NDUFA10: variants seen among roughly 807,000 people sequenced by gnomAD.
The protein encoded by NDUFA10 is NADH dehydrogenase [ubiquinone] 1 alpha subcomplex subunit 10, mitochondrial.
Under a neutral mutation model 47.8 loss-of-function variants are expected in NDUFA10, and 40 were observed. The ratio of observed to expected loss-of-function variants is 0.84; its 90% CI spans 0.65 to 1.09. The LOEUF (loss-of-function observed/expected upper bound fraction) is 1.09. Among genes scored for constraint, NDUFA10 ranks in the 50% least tolerant of loss-of-function variants. NDUFA10 has a pLI of 0.00. For missense variants in NDUFA10, 413 were observed against 451.1 expected (o/e 0.92, Z 0.76); for synonymous variants, 183 against 172.2 (o/e 1.06, Z -0.49).
chr2:239,909,586 C>G (rs1693714007), intron 4 of NDUFA10, among the ~76,000 whole-genome samples: 1 of 152,116 alleles, frequency 6.6e-6, no homozygotes, highest in Non-Finnish European at 1.5e-5. Context: ...GCACTCCAGC[C>G]TGGGCGAAAG....
chr2:240,018,336 A>G lies in NDUFA10; in HGVS notation c.547+217T>C, dbSNP rs1276020367. ...GTCCAGGGCTCCAATCTGCTTTCAC[A>G]GGGAGACATGACAGCACAAAAGACA... On this transcript the variant is annotated intron_variant, in intron 4 of 9. Transcript: ENST00000252711. The G allele has an allele frequency of 7.9e-6, 11 of 1,387,282 alleles. No individual in the cohort carries two copies. The East Asian group carries it at 2.8e-4, about 35-fold the overall frequency. 85.9% of individuals were successfully genotyped at this position (1,387,282 alleles called of 1,614,324 possible). A position where few individuals can be genotyped will look rare whatever the true frequency, so the allele number is the denominator to read the frequency against.
At position 240,021,386 on chromosome 2, in the gene NDUFA10, T is replaced by A; in HGVS notation, c.271A>T (p.Ile91Phe). 1.2e-6 allele frequency: 2 copies of A among 1,614,124 alleles called. No individual in the cohort carries two copies. Among genetic ancestry groups the A allele is most frequent in the Non-Finnish European group, 8.5e-7 (1 of 1,180,020 alleles). ...LGFKHFPEAG[I>F]HYPDSTTGDG... ...CCTGTGGTACTGTCTGGATAATGAA[T>A]CCCCGCTTCAGGAAAGTGCTTGAAG... is the stretch of plus-strand genomic sequence containing the variant. Residue 91 changes from isoleucine to phenylalanine, a missense_variant, in exon 3 of 10, where the codon ATT becomes TTT. Transcript: ENST00000252711.
At chr2:239,909,713 C>G (rs1371652902) in intron 4 of NDUFA10, among the ~76,000 whole-genome samples, 1 of 152,072 alleles carries the variant, frequency 6.6e-6, no homozygotes, top group Non-Finnish European at 1.5e-5. Flanking sequence ...AAAAAAATGC[C>G]AAAAGCAATT....
chr2:239,993,585 G>A (rs1696342387), intron 8 of NDUFA10, among the ~76,000 whole-genome samples: 1 of 152,092 alleles, frequency 6.6e-6, no homozygotes, highest in Non-Finnish European at 1.5e-5. Flanking sequence ...AATGAAGATA[G>A]GCCACTCAAA....
chr2:239,927,619 G>A (rs1351073251), intron 4 of NDUFA10, among the ~76,000 whole-genome samples: 1 of 152,172 alleles, frequency 6.6e-6, no homozygotes, highest in African/African-American at 2.4e-5. Context: ...AATTTTAAAA[G>A]TTAATCTCTA....
chr2:239,922,519 A>G (rs1000394918), intron 4 of NDUFA10, among the ~76,000 whole-genome samples: 7 of 152,206 alleles, frequency 4.6e-5, no homozygotes, highest in Non-Finnish European at 8.8e-5. Flanking sequence ...GATAGTGACC[A>G]TGTGTTCCTC....
At chr2:239,922,563 C>T (rs577600532) in intron 4 of NDUFA10, among the ~76,000 whole-genome samples, 15 of 152,336 alleles carry the variant, frequency 9.8e-5, no homozygotes, top group South Asian at 2.1e-4. Flanking sequence ...GGGATAGAGG[C>T]GGTGTCACCT....
chr2:239,892,928 G>C (rs1306044189), intron 5 of NDUFA10, among the ~76,000 whole-genome samples: 1 of 152,210 alleles, frequency 6.6e-6, no homozygotes, highest in East Asian at 1.9e-4. Flanking sequence ...ATCATTTCTG[G>C]AGGCCAGCAA....
Position 239,945,438 on chromosome 2 carries a change from C to T in NDUFA10, c.294+44636G>A, listed in dbSNP as rs776254613. ...GCGTCGCTCCAGCTCCTTTCAAAGA[C>T]GCTGGGAGGCCCCTCGGGGGAAGAG... On this transcript the variant is annotated intron_variant, in intron 4 of 5. Transcript: ENST00000419408. This position sits in a 1 kb window ranked among gnomAD's most constrained non-coding sequence, Gnocchi z 4.6. Among the ~76,000 whole-genome samples, 14 of 152,170 alleles carry T rather than the reference C, an allele frequency of 9.2e-5. No individual in the cohort carries two copies. The highest frequency in any genetic ancestry group is 1.7e-4 in the African/African-American group (7 of 41,452).
At chr2:240,000,565 G>C (rs922234141) in intron 8 of NDUFA10, among the ~76,000 whole-genome samples, 1 of 152,078 alleles carries the variant, frequency 6.6e-6, no homozygotes, top group Non-Finnish European at 1.5e-5. Flanking sequence ...ATTTAGTGTA[G>C]CCTAATTGTA....
chr2:239,958,888 G>A lies in NDUFA10; in HGVS notation c.*2230C>T. ...TTCCTGATCTCCAAAGCACTGAGAA[G>A]TCCAACATGGAATCCTGGAAAATGC... On this transcript the variant is annotated 3_prime_UTR_variant, in exon 10 of 10. Transcript: ENST00000252711. The A allele has an allele frequency of 1.0e-6, 1 of 952,572 alleles. No individual in the cohort carries two copies. Among genetic ancestry groups the A allele is most frequent in the Non-Finnish European group, 1.2e-6 (1 of 800,028 alleles). The allele number at this position is 952,572 out of a possible 1,614,324, so 59.0% of individuals were successfully genotyped here.
intron 4 of NDUFA10, among the ~76,000 whole-genome samples, chr2:239,917,736 G>T (rs1018321467): frequency 4.6e-5 from 7 of 152,226 alleles, no homozygotes; most frequent in African/African-American, 1.7e-4. Context: ...GTACATAAAA[G>T]TCATGTGCTG....
At chr2:240,015,267 G>A (rs1236837190) in intron 4 of NDUFA10, among the ~76,000 whole-genome samples, 1 of 152,218 alleles carries the variant, frequency 6.6e-6, no homozygotes, top group Non-Finnish European at 1.5e-5. Flanking sequence ...TGCTCCTGAG[G>A]CAAGACGTAG....
intron 3 of NDUFA10, among the ~76,000 whole-genome samples, chr2:240,020,413 T>C (rs921070567): frequency 2.6e-5 from 4 of 152,214 alleles, no homozygotes; most frequent in Non-Finnish European, 5.9e-5. Context: ...CGTGGCATGG[T>C]AGCTTTGACC....
Position 239,960,952 on chromosome 2 carries a change from T to C in NDUFA10, c.*166A>G. ...TGGAAGCTGCTTCCCCCAACTCCAT[T>C]ACCTATACTACAGGATGGATTGCTT... is the stretch of plus-strand genomic sequence containing the variant. On this transcript the variant is annotated 3_prime_UTR_variant, in exon 10 of 10. Coordinates refer to ENST00000252711, the MANE Select transcript of NDUFA10 (RefSeq NM_004544.4). The C allele has an allele frequency of 6.6e-7, 1 of 1,518,614 alleles. No homozygotes were observed. The highest frequency in any genetic ancestry group is 1.2e-5 in the South Asian group (1 of 81,944). The allele number at this position is 1,518,614 out of a possible 1,614,324, so 94.1% of individuals were successfully genotyped here.
chr2:239,917,790 T>C (rs1693901814), intron 4 of NDUFA10, among the ~76,000 whole-genome samples: 1 of 152,228 alleles, frequency 6.6e-6, no homozygotes, highest in East Asian at 1.9e-4. Context: ...GTCCGCTGGC[T>C]CTGAATGCAC....
chr2:239,968,292 G>A (rs1695166104), intron 9 of NDUFA10, among the ~76,000 whole-genome samples: 1 of 152,222 alleles, frequency 6.6e-6, no homozygotes, highest in Non-Finnish European at 1.5e-5. Context: ...GGCAGCAAAT[G>A]CACGCAATGC....
chr2:239,988,455 C>T (rs1038120855), intron 9 of NDUFA10, among the ~76,000 whole-genome samples: 24 of 152,130 alleles, frequency 1.6e-4, no homozygotes, highest in African/African-American at 2.4e-4. Context: ...ACACCTCCTA[C>T]AGGAAAGGAA....
intron 4 of NDUFA10, among the ~76,000 whole-genome samples, chr2:239,916,007 TA>T (rs1316664872): frequency 7.8e-6 from 1 of 128,200 alleles, no homozygotes; most frequent in Non-Finnish European, 1.6e-5. Context: ...TACACACAAA[TA>T]TACAGATACA....
Sources: gnomAD v4.1 joint callset for allele counts (sites outside exome capture counted in the v4.1 genomes callset) on GRCh38, gnomAD v4.1.1 for gene constraint, Gnocchi (gnomAD v3.1) non-coding constraint, MANE v1.5 for transcripts, NCBI Gene and HGNC (gene_info 2026-07-23, HGNC 2026-07-21) for gene names.